Variants in UBASH3A observed in about 807,000 individuals in gnomAD.
UBASH3A encodes the protein ubiquitin associated and SH3 domain containing A, also known as ubiquitin-associated and SH3 domain-containing protein A.
Under a neutral mutation model 73.5 loss-of-function variants are expected in UBASH3A, and 63 were observed. The observed-to-expected ratio is 0.86, with a 90% CI of 0.70 to 1.06. The LOEUF is 1.06. Ranked by LOEUF, UBASH3A falls within the 50% of genes least tolerant of loss-of-function variation. The pLI is 0.00. For synonymous variants in UBASH3A, 363 were observed against 351.1 expected (o/e 1.03, Z -0.38); for missense variants, 860 against 859.0 (o/e 1.00, Z -0.02).
intron 1 of UBASH3A, among the ~76,000 whole-genome samples, chr21:42,404,485 C>G (rs2052929496): frequency 6.6e-6 from 1 of 152,118 alleles, no homozygotes; most frequent in Admixed American, 6.5e-5. Flanking sequence ...TTTTAAAGAC[C>G]AGCTCGGCTG....
At chr21:42,426,310 A>AG (rs1289673131) in intron 7 of UBASH3A, among the ~76,000 whole-genome samples, 1 of 152,246 alleles carries the variant, frequency 6.6e-6, no homozygotes, top group Non-Finnish European at 1.5e-5. Context: ...TTGAGCCAGC[A>AG]CCATGGAGTC....
At position 42,442,539 on chromosome 21, in the gene UBASH3A, C is replaced by G. The variant is rs756249624; in HGVS notation, c.1574C>G (p.Thr525Ser). The G allele has an allele frequency of 6.2e-7, 1 of 1,614,186 alleles. No individual in the cohort carries two copies. Among genetic ancestry groups the G allele is most frequent in the Non-Finnish European group, 8.5e-7 (1 of 1,180,024 alleles). Reference protein sequence around the residue: ...TKWEAGKTTPTLMSLEELKEA... With the variant: ...TKWEAGKTTPSLMSLEELKEA... ...TGGGAAGCTGGCAAAACCACCCCAA[C>G]CCTCATGAGCCTGGAAGAGCTGAAA... Residue 525 changes from threonine (T) to serine (S), a missense_variant, in exon 12 of 15, where the codon ACC (threonine) becomes AGC (serine). Transcript: ENST00000319294.
At chr21:42,422,646 T>C (rs771130420) in intron 7 of UBASH3A, among the ~76,000 whole-genome samples, 15 of 152,182 alleles carry the variant, frequency 9.9e-5, no homozygotes, top group Non-Finnish European at 1.6e-4. Context: ...GACACATCCA[T>C]ACAATAAAAT....
At chr21:42,439,863 A>G (rs1417221110) in intron 11 of UBASH3A, among the ~76,000 whole-genome samples, 1 of 145,436 alleles carries the variant, frequency 6.9e-6, no homozygotes, top group Non-Finnish European at 1.5e-5. Flanking sequence ...CACACACCAC[A>G]CACATAACAT....
chr21:42,405,989 G>GCC (rs1179880331), intron 1 of UBASH3A, among the ~76,000 whole-genome samples: 1 of 149,436 alleles, frequency 6.7e-6, no homozygotes, highest in African/African-American at 2.5e-5. Flanking sequence ...GCAGTGGGGG[G>GCC]GGGGGGGGCA....
At chr21:42,422,390 T>C (rs1202384631) in intron 7 of UBASH3A, among the ~76,000 whole-genome samples, 1 of 152,214 alleles carries the variant, frequency 6.6e-6, no homozygotes, top group African/African-American at 2.4e-5. Context: ...TGCCATGCAT[T>C]TCCCTTACTA....
At chr21:42,422,856 A>G (rs915212645) in intron 7 of UBASH3A, among the ~76,000 whole-genome samples, 10 of 152,204 alleles carry the variant, frequency 6.6e-5, no homozygotes, top group Non-Finnish European at 1.2e-4. Context: ...GTGTATGCCT[A>G]AAGGTTCCCT....
chr21:42,447,032 C>T (rs202195620), intron 14 of UBASH3A, 25 bp from the exon 15 acceptor site: 24 of 1,605,318 alleles, frequency 1.5e-5, no homozygotes, highest in African/African-American at 2.7e-5. Context: ...AAGATATTAA[C>T]AAGTGATTTA....
intron 3 of UBASH3A, among the ~76,000 whole-genome samples, chr21:42,410,745 C>A (rs1247790638): frequency 2.6e-5 from 4 of 152,050 alleles, no homozygotes; most frequent in Non-Finnish European, 4.4e-5. Context: ...AGGCCTTGGC[C>A]CCCCACTCCT....
intron 8 of UBASH3A, 56 bp downstream of exon 8, chr21:42,426,876 A>C: frequency 6.3e-7 from 1 of 1,589,424 alleles, no homozygotes; most frequent in Admixed American, 1.7e-5. Flanking sequence ...TACACTTTGT[A>C]TTAACTTCAC....
Position 42,413,073 on chromosome 21 carries a change from G to C in UBASH3A, c.404G>C (p.Gly135Ala). ...CTGTACGAGGCGCTGAAGAGAGCTG[G>C]AGACAGGCTCCTGGGCTCCTTCCCC... ...ECLYEALKRA[G>A]DRLLGSFPTA... Residue 135 changes from glycine to alanine, a missense_variant, in exon 4 of 15, where the codon GGA becomes GCA. Gly to Ala is a moderately conservative substitution (Grantham distance 60). Coordinates refer to ENST00000319294, the MANE Select transcript of UBASH3A (RefSeq NM_018961.4). This position sits in a 1 kb window ranked among gnomAD's most constrained non-coding sequence, Gnocchi z 4.5. 6.2e-7 allele frequency: 1 copy of C among 1,614,214 alleles called. No homozygotes were observed. Among genetic ancestry groups the C allele is most frequent in the Non-Finnish European group, 8.5e-7 (1 of 1,180,028 alleles).
rs550346854 is a variant in UBASH3A, at chr21:42,412,835, G to T, written c.355-189G>T. The stretch of plus-strand genomic sequence containing the variant: ...GCAAAGAAACTTACCTGAAATATTT[G>T]AAAAAACCGAGGTCCAGGTATAGAA... On this transcript the variant is annotated intron_variant, in intron 3 of 14. Coordinates refer to ENST00000319294, the MANE Select transcript of UBASH3A (RefSeq NM_018961.4). Among the ~76,000 whole-genome samples, 3 of 152,256 alleles carry T rather than the reference G, an allele frequency of 2.0e-5. No individual in the cohort carries two copies. The East Asian group carries it at 5.8e-4, about 29-fold the overall frequency.
rs751488904 is a variant in UBASH3A, at chr21:42,418,531, A to G, written c.968A>G (p.Gln323Arg). Residue 323 changes from glutamine (Q) to arginine (R), a missense_variant, in exon 7 of 15, where the codon CAG (glutamine) becomes CGG (arginine). By Grantham distance (43) the Gln-to-Arg change is conservative (BLOSUM62 1). Coordinates refer to ENST00000319294, the MANE Select transcript of UBASH3A (RefSeq NM_018961.4). The stretch of plus-strand genomic sequence containing the variant: ...GAGGGCTGGGTGATTGGGATCTCAC[A>G]GCGGACGGGCTGCCGGGGCTTCCTG... The part of the protein sequence containing the change: ...ASEGWVIGIS[Q>R]RTGCRGFLPE... The G allele has an allele frequency of 3.1e-6, 5 of 1,614,080 alleles. No individual in the cohort carries two copies. The African/African-American group carries it at 6.7e-5, about 22-fold the overall frequency.
chr21:42,418,379 A>C, intron 6 of UBASH3A, 22 bp from the exon 7 acceptor site: 475 of 1,597,684 alleles, frequency 3.0e-4, no homozygotes, highest in Non-Finnish European at 3.7e-4. Flanking sequence ...CGAGACGTGA[A>C]ACCCCTTTGC....
rs1211215771 is a variant in UBASH3A at position 42,444,591 on chromosome 21, T to G, written c.1796T>G (p.Leu599Arg). ...ACTCTGGACTCCTGCACGCGGCCACTGCTCGGGCTGCCGCCCCGGGAATGT... is the reference window on the plus strand; with the variant it reads ...ACTCTGGACTCCTGCACGCGGCCACGGCTCGGGCTGCCGCCCCGGGAATGT... ...GSTLDSCTRP[L>R]LGLPPRECGD... The change falls in exon 14 of 15, where the codon CTG (leucine) becomes CGG (arginine). Residue 599 changes from leucine (L) to arginine (R), a missense_variant. By Grantham distance (102) the Leu-to-Arg change is moderately radical (BLOSUM62 -2). Coordinates refer to ENST00000319294, the MANE Select transcript of UBASH3A (RefSeq NM_018961.4). 6.2e-7 allele frequency: 1 copy of G among 1,614,080 alleles called. No homozygotes were observed. Among genetic ancestry groups the G allele is most frequent in the Non-Finnish European group, 8.5e-7 (1 of 1,180,040 alleles).
At chr21:42,407,828 G>T (rs1045457203) in intron 2 of UBASH3A, among the ~76,000 whole-genome samples, 1 of 152,206 alleles carries the variant, frequency 6.6e-6, no homozygotes, top group Non-Finnish European at 1.5e-5. Context: ...TTATGAAATG[G>T]TTTTAAAATA....
At chr21:42,438,595 G>A (rs369494551) in intron 11 of UBASH3A, among the ~76,000 whole-genome samples, 204 of 152,302 alleles carry the variant, frequency 1.3e-3, no homozygotes, top group African/African-American at 4.6e-3. Context: ...CTGTGAGTAC[G>A]GTGGAGCCAG....
At chr21:42,432,319 A>C in intron 9 of UBASH3A, 117 bp downstream of exon 9, 1 of 695,706 alleles carries the variant, frequency 1.4e-6, no homozygotes, top group Non-Finnish European at 2.5e-6. Flanking sequence ...CTGTAGAATG[A>C]CCATGTGTAG....
At chr21:42,443,639 C>T (rs1020919146) in intron 13 of UBASH3A, among the ~76,000 whole-genome samples, 2 of 151,514 alleles carry the variant, frequency 1.3e-5, no homozygotes, top group African/African-American at 4.9e-5. Context: ...TGGGACCCCC[C>T]ATCCTGGGAC....
Sources: gnomAD v4.1 joint callset for allele counts (sites outside exome capture counted in the v4.1 genomes callset) on GRCh38, gnomAD v4.1.1 for gene constraint, Gnocchi (gnomAD v3.1) non-coding constraint, MANE v1.5 for transcripts, NCBI Gene and HGNC (gene_info 2026-07-23, HGNC 2026-07-21) for gene names.